The following DPYSL3 variants were observed in gnomAD, a reference collection of about 807,000 sequenced individuals.
The protein encoded by DPYSL3 is dihydropyrimidinase-related protein 3.
A neutral mutation model predicts 66.1 loss-of-function variants in DPYSL3; 16 were observed. That is an observed-to-expected ratio of 0.24 (90% CI 0.16 to 0.37). DPYSL3 has a LOEUF of 0.37. Ranked by LOEUF, DPYSL3 falls within the 10% of genes least tolerant of loss-of-function variation. DPYSL3 has a pLI of 1.00. For missense variants in DPYSL3, 738 were observed against 916.2 expected, an observed-to-expected ratio of 0.81 and a Z score of 2.51; for synonymous variants, 338 against 345.1, an observed-to-expected ratio of 0.98 and a Z score of 0.23.
chr5:147,492,407 T>A (rs1215505674), intron 1 of DPYSL3, among the ~76,000 whole-genome samples: 1 of 152,102 alleles, frequency 6.6e-6, no homozygotes, highest in African/African-American at 2.4e-5. Context: ...TCTTAATGTA[T>A]CTAACAGATA....
At position 147,415,704 on chromosome 5, in the gene DPYSL3, C is replaced by T. The variant is rs777808490; in HGVS notation, c.820+5G>A. ...GAGGAGGGAGGACGGCATGTCCGGG[C>T]TCACCTTTGTCCTTGATGAGGTTCT... is the stretch of plus-strand genomic sequence containing the variant. On this transcript the variant is annotated splice_donor_5th_base_variant and intron_variant, in intron 4 of 13. Coordinates refer to ENST00000343218, the MANE Select transcript of DPYSL3 (RefSeq NM_001197294.2). 2 of 1,612,990 alleles carry T rather than the reference C, an allele frequency of 1.2e-6. No homozygotes were observed. Among genetic ancestry groups the T allele is most frequent in the South Asian group, 2.2e-5 (2 of 90,850 alleles).
intron 1 of DPYSL3, among the ~76,000 whole-genome samples, chr5:147,437,910 CT>C (rs1329014106): frequency 2.0e-5 from 3 of 152,188 alleles, no homozygotes; most frequent in Admixed American, 6.5e-5. Context: ...CTCCCTAAAT[CT>C]TCTCAGGTCA....
At chr5:147,442,458 G>C (rs1432961937) in intron 1 of DPYSL3, among the ~76,000 whole-genome samples, 1 of 152,192 alleles carries the variant, frequency 6.6e-6, no homozygotes, top group African/African-American at 2.4e-5. Flanking sequence ...GTGGTGACAA[G>C]AATATAAGGC....
chr5:147,450,259 C>G (rs532112002), intron 1 of DPYSL3, among the ~76,000 whole-genome samples: 1 of 151,944 alleles, frequency 6.6e-6, no homozygotes, highest in Non-Finnish European at 1.5e-5. Flanking sequence ...AAGGATTCAA[C>G]GAAACAAGGC....
chr5:147,406,380 G>A (rs1758324586), intron 7 of DPYSL3, among the ~76,000 whole-genome samples: 1 of 152,178 alleles, frequency 6.6e-6, no homozygotes, highest in African/African-American at 2.4e-5. Flanking sequence ...CAGGGTCTGA[G>A]AGCTGAGGCT....
At position 147,412,706 on chromosome 5, in the gene DPYSL3, C is replaced by G. The variant is rs759936357; in HGVS notation, c.883-18G>C. On this transcript the variant is annotated intron_variant, in intron 5 of 13. Transcript: ENST00000343218. ...TCATAGAGCTGAAATAGAAATGAGT[C>G]TTTGTCACTCTTGCAAGCACTTTTA... The G allele has an allele frequency of 8.1e-6, 13 of 1,600,752 alleles. No homozygotes were observed. The Admixed American group carries it at 2.2e-4, about 27-fold the overall frequency.
intron 7 of DPYSL3, 139 bp from the exon 8 acceptor site, chr5:147,405,869 T>C (rs528816850): frequency 1.8e-6 from 2 of 1,092,500 alleles, no homozygotes; most frequent in South Asian, 1.7e-5. Context: ...AGATAGCCTA[T>C]ATCCACATCT....
chr5:147,502,952 T>C (rs73794776), intron 1 of DPYSL3, among the ~76,000 whole-genome samples: 21,529 of 152,090 alleles, frequency 0.14, 1,545 homozygotes, highest in Middle Eastern at 0.22. Context: ...CCCTTCTTAT[T>C]CACAAGCTAC....
intron 5 of DPYSL3, 57 bp from the exon 6 acceptor site, chr5:147,412,745 A>C: frequency 6.7e-7 from 1 of 1,489,230 alleles, no homozygotes; most frequent in Non-Finnish European, 9.3e-7. Flanking sequence ...GCCCCACAGA[A>C]GGGCCAATTA....
In DPYSL3 at chr5:147,508,511, A is replaced by G. The variant is rs542659815; in HGVS notation, c.381+967T>C. Among the ~76,000 whole-genome samples the G allele has an allele frequency of 1.1e-3, 169 of 152,240 alleles. 2 individuals carry two copies. The highest frequency in any genetic ancestry group is 3.4e-3 in the African/African-American group (143 of 41,548). The stretch of plus-strand genomic sequence containing the variant: ...GGCATCTGATTATTATTATTCCCCA[A>G]CTGAAAGCTTCAGTTTGAACTCTGA... On this transcript the variant is annotated intron_variant, in intron 1 of 13. Coordinates refer to ENST00000343218, the MANE Select transcript of DPYSL3 (RefSeq NM_001197294.2).
chr5:147,400,010 T>C (rs1490959200), intron 10 of DPYSL3, among the ~76,000 whole-genome samples: 1 of 152,224 alleles, frequency 6.6e-6, no homozygotes, highest in Non-Finnish European at 1.5e-5. Context: ...GAAATTACAC[T>C]GTGTAGATTA....
At chr5:147,485,443 T>C (rs959304476) in intron 1 of DPYSL3, among the ~76,000 whole-genome samples, 1 of 152,214 alleles carries the variant, frequency 6.6e-6, no homozygotes, top group Non-Finnish European at 1.5e-5. Context: ...TCATTTTTAA[T>C]GGCTCTAGAG....
chr5:147,394,226 T>C lies in DPYSL3; in HGVS notation c.1967-103A>G, dbSNP rs933867502. On this transcript the variant is annotated intron_variant, in intron 13 of 13. Coordinates refer to ENST00000343218, the MANE Select transcript of DPYSL3 (RefSeq NM_001197294.2). ...GGGTTAATTTTAAGAGTGCAAGATA[T>C]GAAGTGCCTTGCTGGCCTCACCTCC... The C allele has an allele frequency of 7.7e-6, 9 of 1,165,718 alleles. No individual in the cohort carries two copies. In the African/African-American group the frequency reaches 9.2e-5, roughly 12 times the overall value. 72.2% of individuals were successfully genotyped at this position (1,165,718 alleles called of 1,614,324 possible).
intron 2 of DPYSL3, among the ~76,000 whole-genome samples, chr5:147,420,492 C>T (rs1007091038): frequency 5.9e-5 from 9 of 151,990 alleles, no homozygotes; most frequent in African/African-American, 1.2e-4. Flanking sequence ...TAAAAGGTCC[C>T]GGGGGAAGAC....
chr5:147,428,825 G>A (rs1752250758), intron 1 of DPYSL3, among the ~76,000 whole-genome samples: 1 of 152,066 alleles, frequency 6.6e-6, no homozygotes, highest in Non-Finnish European at 1.5e-5. Context: ...GGAGGAGGGA[G>A]AGCATCAGGA....
rs549706947 is a variant in DPYSL3, at chr5:147,409,692, GC to G, written c.964-897del. ...GAAATCCCAAGCCACCATTTCTTCA[GC>G]GTTACTGGCATTCACTCTGAAATTA... On this transcript the variant is annotated intron_variant, in intron 6 of 13. Coordinates refer to ENST00000343218, the MANE Select transcript of DPYSL3 (RefSeq NM_001197294.2). 8.8e-3 allele frequency among the ~76,000 whole-genome samples: 1,341 copies of G among 152,278 alleles called. 16 individuals carry two copies. Among genetic ancestry groups the G allele is most frequent in the Non-Finnish European group, 0.013 (854 of 68,020 alleles).
chr5:147,452,333 G>T (rs894112809), intron 1 of DPYSL3, among the ~76,000 whole-genome samples: 3 of 151,938 alleles, frequency 2.0e-5, no homozygotes, highest in African/African-American at 7.3e-5. Flanking sequence ...CAACTACTGT[G>T]GCAGGTAAAG....
intron 1 of DPYSL3, among the ~76,000 whole-genome samples, chr5:147,488,466 A>T (rs565331212): frequency 6.6e-6 from 1 of 152,306 alleles, no homozygotes; most frequent in African/African-American, 2.4e-5. Flanking sequence ...CAGTGCCTTA[A>T]AATCAGGCTG....
At chr5:147,473,961 C>A (rs999556741) in intron 1 of DPYSL3, among the ~76,000 whole-genome samples, 1 of 152,028 alleles carries the variant, frequency 6.6e-6, no homozygotes, top group African/African-American at 2.4e-5. Context: ...GAGGCAAAGT[C>A]TCATTTTTAT....
Sources: gnomAD v4.1 joint callset for allele counts (sites outside exome capture counted in the v4.1 genomes callset) on GRCh38, gnomAD v4.1.1 for gene constraint, MANE v1.5 for transcripts, NCBI Gene and HGNC (gene_info 2026-07-23, HGNC 2026-07-21) for gene names.